MYO9A: variants seen among roughly 807,000 people sequenced by gnomAD.
MYO9A encodes unconventional myosin-IXa.
In MYO9A, 103 loss-of-function variants were observed where a neutral mutation model predicts 293.3. The observed-to-expected ratio is 0.35, with a 90% CI of 0.30 to 0.41. MYO9A has a LOEUF of 0.41. Ranked by LOEUF, MYO9A falls within the 10% of genes least tolerant of loss-of-function variation. The pLI is 1.00. For missense variants in MYO9A, 2,685 were observed against 3,033.0 expected (o/e 0.89, Z 2.69); for synonymous variants, 1,001 against 1,035.7 (o/e 0.97, Z 0.64).
At chr15:71,942,356 ATTTC>A (rs1163280740) in intron 15 of MYO9A, among the ~76,000 whole-genome samples, 2 of 151,972 alleles carry the variant, frequency 1.3e-5, no homozygotes, top group Non-Finnish European at 2.9e-5. Context: ...AATATTCTTA[ATTTC>A]TTTGTGTTTA....
intron 12 of MYO9A, among the ~76,000 whole-genome samples, chr15:71,976,319 T>C (rs1238255754): frequency 1.3e-5 from 2 of 152,192 alleles, no homozygotes; most frequent in African/African-American, 4.8e-5. Context: ...ACAGTAGTTA[T>C]AGAAATGGGA....
At chr15:72,003,512 C>T (rs28564635) in intron 8 of MYO9A, among the ~76,000 whole-genome samples, 2,017 of 151,282 alleles carry the variant, frequency 0.013, 29 homozygotes, top group African/African-American at 0.023. Context: ...CTGGCTAACA[C>T]GGTGAAACCC....
At chr15:71,828,062 T>C in intron 40 of MYO9A, 36 bp from the exon 41 acceptor site, 2 of 1,595,122 alleles carry the variant, frequency 1.3e-6, no homozygotes, top group Non-Finnish European at 1.7e-6. Flanking sequence ...TAGCATTTGA[T>C]AGGAAGTGGA....
At chr15:71,976,743 TA>T (rs145799792) in intron 12 of MYO9A, among the ~76,000 whole-genome samples, 4,241 of 152,342 alleles carry the variant, frequency 0.028, 89 homozygotes, top group Non-Finnish European at 0.043. Context: ...AGGTACTTTT[TA>T]CTTGTGTTAA....
rs569618522 is a variant in MYO9A at position 71,983,628 on chromosome 15, G to A, written c.1723-5336C>T. On this transcript the variant is annotated intron_variant, in intron 11 of 41. Transcript: ENST00000356056. ...CTCCTGAGTAGCTGGGATTGCAGGC[G>A]GCTGCCACCACGCCCTGCTAATTTT... Among the ~76,000 whole-genome samples the A allele has an allele frequency of 6.6e-5, 10 of 151,684 alleles. No homozygotes were observed. The South Asian group carries it at 1.9e-3, about 29-fold the overall frequency.
At chr15:71,933,849 G>A in intron 17 of MYO9A, 140 bp from the exon 18 acceptor site, 1 of 711,760 alleles carries the variant, frequency 1.4e-6, no homozygotes, top group South Asian at 1.7e-5. Context: ...TTCTTTATAT[G>A]AAAACACTAT....
intron 1 of MYO9A, among the ~76,000 whole-genome samples, chr15:72,085,177 G>T (rs994769231): frequency 2.0e-5 from 3 of 152,088 alleles, no homozygotes; most frequent in Admixed American, 6.5e-5. Context: ...GGTGAATCAT[G>T]AAGTCAAGAG....
At chr15:72,053,507 T>C (rs1288450834) in intron 1 of MYO9A, among the ~76,000 whole-genome samples, 1 of 152,212 alleles carries the variant, frequency 6.6e-6, no homozygotes, top group African/African-American at 2.4e-5. Context: ...ATGTCCTTTA[T>C]AGCAATATGG....
intron 8 of MYO9A, 129 bp downstream of exon 8, chr15:72,007,697 T>A: frequency 1.2e-6 from 1 of 839,100 alleles, no homozygotes. Flanking sequence ...GAAATGCTAT[T>A]TAAAAATAGT....
At chr15:71,852,643 G>T (rs370474916) in intron 35 of MYO9A, among the ~76,000 whole-genome samples, 8 of 152,206 alleles carry the variant, frequency 5.3e-5, no homozygotes, top group African/African-American at 1.9e-4. Flanking sequence ...GATTACAGGC[G>T]TGAGCCACCA....
intron 16 of MYO9A, among the ~76,000 whole-genome samples, chr15:71,937,986 T>C (rs1201903620): frequency 1.3e-5 from 2 of 152,082 alleles, no homozygotes; most frequent in Non-Finnish European, 2.9e-5. Flanking sequence ...GGACATACAA[T>C]ATAAAGATAG....
At chr15:71,879,398 T>C (rs1317519773) in intron 30 of MYO9A, among the ~76,000 whole-genome samples, 2 of 152,098 alleles carry the variant, frequency 1.3e-5, no homozygotes, top group Non-Finnish European at 2.9e-5. Flanking sequence ...GCAATAGAGC[T>C]AAAAGGATTA....
chr15:72,069,361 C>G (rs1364751514), intron 1 of MYO9A, among the ~76,000 whole-genome samples: 1 of 152,110 alleles, frequency 6.6e-6, no homozygotes, highest in African/African-American at 2.4e-5. Context: ...GTCTCCCCTA[C>G]TAGTATATAG....
chr15:71,940,436 G>C (rs369769725), intron 15 of MYO9A, among the ~76,000 whole-genome samples: 1 of 152,102 alleles, frequency 6.6e-6, no homozygotes, highest in Non-Finnish European at 1.5e-5. Flanking sequence ...AGGCTGCAGT[G>C]AGCTGAGGTC....
At chr15:72,053,539 C>T (rs1402293775) in intron 1 of MYO9A, among the ~76,000 whole-genome samples, 1 of 152,162 alleles carries the variant, frequency 6.6e-6, no homozygotes, top group Non-Finnish European at 1.5e-5. Flanking sequence ...GGCCATTATC[C>T]TAAGCAAACT....
At chr15:71,829,957 C>A (rs2054649962) in intron 40 of MYO9A, 152 bp downstream of exon 40, 1 of 863,826 alleles carries the variant, frequency 1.2e-6, no homozygotes, top group East Asian at 2.6e-5. Context: ...TGAGTATAGA[C>A]AACACGTCTT....
chr15:71,957,497 A>G (rs920392649), intron 14 of MYO9A, among the ~76,000 whole-genome samples: 14 of 152,024 alleles, frequency 9.2e-5, no homozygotes, highest in Non-Finnish European at 1.6e-4. Flanking sequence ...TTTTTTTTTA[A>G]CAAAAGTTTA....
At chr15:72,092,443 G>A (rs529231481) in intron 1 of MYO9A, among the ~76,000 whole-genome samples, 36 of 152,290 alleles carry the variant, frequency 2.4e-4, no homozygotes, top group African/African-American at 8.2e-4. Context: ...AGCTGAGTGT[G>A]GTGCCTGCCT....
chr15:71,836,412 T>C (rs2054943543), intron 39 of MYO9A, among the ~76,000 whole-genome samples: 1 of 152,072 alleles, frequency 6.6e-6, no homozygotes, highest in Non-Finnish European at 1.5e-5. Flanking sequence ...TCCTACACAT[T>C]GCTAACATAT....
Sources: allele counts gnomAD v4.1 joint callset (sites outside exome capture counted in the v4.1 genomes callset), GRCh38; gene constraint gnomAD v4.1.1; transcripts MANE v1.5; gene names NCBI Gene and HGNC (gene_info 2026-07-23, HGNC 2026-07-21).